The following EPB41L2 variants were observed in gnomAD, a reference collection of about 807,000 sequenced individuals.
EPB41L2 encodes erythrocyte membrane protein band 4.1 like 2.
In EPB41L2, 43 loss-of-function variants were observed where a neutral mutation model predicts 113.0. That is an observed-to-expected ratio of 0.38 (90% CI 0.30 to 0.49). The LOEUF (loss-of-function observed/expected upper bound fraction) is 0.49, where lower values mean the gene tolerates loss of function less well. Among genes scored for constraint, EPB41L2 ranks in the 20% least tolerant of loss-of-function variants. The pLI is 0.95. For synonymous variants in EPB41L2, 442 were observed against 436.7 expected (o/e 1.01, Z -0.15); for missense variants, 1,147 against 1,223.4 (o/e 0.94, Z 0.93).
intron 14 of EPB41L2, among the ~76,000 whole-genome samples, chr6:130,872,151 G>A (rs1785916957): frequency 6.6e-6 from 1 of 151,716 alleles, no homozygotes; most frequent in Admixed American, 6.5e-5. Flanking sequence ...TCTGAATTTA[G>A]GCAGATTTTT....
chr6:130,941,777 T>C (rs1810979940), intron 3 of EPB41L2, among the ~76,000 whole-genome samples: 1 of 152,156 alleles, frequency 6.6e-6, no homozygotes, highest in African/African-American at 2.4e-5. Context: ...ATTCTGCAAA[T>C]GAAGTACACT....
At chr6:130,978,096 C>A (rs1337415453) in intron 1 of EPB41L2, among the ~76,000 whole-genome samples, 4 of 152,208 alleles carry the variant, frequency 2.6e-5, no homozygotes, top group Non-Finnish European at 5.9e-5. Flanking sequence ...TCCCTTCTTT[C>A]TTTTCTCTCC....
chr6:131,008,974 T>C (rs950520042), intron 1 of EPB41L2, among the ~76,000 whole-genome samples: 2 of 152,206 alleles, frequency 1.3e-5, no homozygotes, highest in African/African-American at 4.8e-5. Flanking sequence ...ACTTTGAAAT[T>C]AATGCTGGAA....
chr6:130,947,612 G>T (rs562617156), intron 3 of EPB41L2, among the ~76,000 whole-genome samples: 1 of 151,984 alleles, frequency 6.6e-6, no homozygotes, highest in South Asian at 2.1e-4. Context: ...GGTGATTTCC[G>T]GTGTAGAGAT....
intron 1 of EPB41L2, among the ~76,000 whole-genome samples, chr6:131,049,928 G>A (rs4897489): frequency 0.28 from 42,552 of 151,888 alleles, 7,006 homozygotes; most frequent in Non-Finnish European, 0.37. Context: ...AACAACTCTG[G>A]ACACAAGAGA....
chr6:131,034,463 C>CCGGGGCTACA (rs1792887042), intron 1 of EPB41L2, among the ~76,000 whole-genome samples: 1 of 152,142 alleles, frequency 6.6e-6, no homozygotes, highest in Admixed American at 6.6e-5. Flanking sequence ...CGAAAATTAG[C>CCGGGGCTACA]CGGGGCTACA....
At chr6:130,847,375 T>C (rs73775311) in intron 19 of EPB41L2, among the ~76,000 whole-genome samples, 3,912 of 152,292 alleles carry the variant, frequency 0.026, 169 homozygotes, top group African/African-American at 0.09. Flanking sequence ...ATTATTTTTA[T>C]GCATGTTCCT....
At chr6:131,056,961 CAGTT>C (rs149699770) in intron 1 of EPB41L2, among the ~76,000 whole-genome samples, 4 of 151,704 alleles carry the variant, frequency 2.6e-5, no homozygotes, top group African/African-American at 9.7e-5. Context: ...TTAACCTTGA[CAGTT>C]AGGTAAATGG....
chr6:131,051,632 T>C (rs543217115), intron 1 of EPB41L2, among the ~76,000 whole-genome samples: 6 of 151,998 alleles, frequency 3.9e-5, no homozygotes, highest in Middle Eastern at 3.2e-3. Context: ...GAGAAACAAG[T>C]TGATTGTTGG....
At chr6:130,895,448 T>C (rs1794361607) in intron 8 of EPB41L2, among the ~76,000 whole-genome samples, 1 of 152,152 alleles carries the variant, frequency 6.6e-6, no homozygotes. Flanking sequence ...CTAGAGATCC[T>C]GAAGATACGG....
chr6:130,901,852 G>A (rs1441352363), intron 6 of EPB41L2, among the ~76,000 whole-genome samples: 2 of 152,164 alleles, frequency 1.3e-5, no homozygotes, highest in African/African-American at 4.8e-5. Context: ...ATGAACATTA[G>A]ATAATATAAA....
intron 1 of EPB41L2, among the ~76,000 whole-genome samples, chr6:131,017,301 AAAAC>A (rs368710577): frequency 8.3e-4 from 126 of 152,356 alleles, no homozygotes; most frequent in African/African-American, 2.7e-3. Flanking sequence ...TGTTGGGAAT[AAAAC>A]AAACTAACAT....
intron 19 of EPB41L2, 138 bp downstream of exon 19, chr6:130,857,993 G>T: frequency 1.4e-6 from 1 of 693,854 alleles, no homozygotes. Context: ...AGATGCACCT[G>T]GGGATGATAA....
intron 14 of EPB41L2, among the ~76,000 whole-genome samples, chr6:130,874,221 C>T (rs1786727521): frequency 6.6e-6 from 1 of 151,354 alleles, no homozygotes; most frequent in East Asian, 1.9e-4. Context: ...GCTCTACTCT[C>T]AAAATTGTTC....
chr6:130,954,040 C>CTTTCTTTCTTTTTTTTTTTT (rs1816373036), intron 3 of EPB41L2, among the ~76,000 whole-genome samples: 6 of 58,864 alleles, frequency 1.0e-4, no homozygotes, highest in African/African-American at 2.7e-4. Context: ...CCTTTTCTTT[C>CTTTCTTTCTTTTTTTTTTTT]TTTTTTTTTT....
At chr6:130,866,984 G>A (rs60845211) in intron 16 of EPB41L2, among the ~76,000 whole-genome samples, 62 of 152,270 alleles carry the variant, frequency 4.1e-4, no homozygotes, top group African/African-American at 1.4e-3. Context: ...TTGTGTGTGT[G>A]TGTGTGTGTA....
At chr6:131,007,913 T>A (rs1025816276) in intron 1 of EPB41L2, among the ~76,000 whole-genome samples, 1 of 152,206 alleles carries the variant, frequency 6.6e-6, no homozygotes, top group African/African-American at 2.4e-5. Context: ...AAAATTTGAA[T>A]TTATGTTTAA....
At chr6:130,920,850 A>G (rs1339886022) in intron 4 of EPB41L2, among the ~76,000 whole-genome samples, 2 of 151,502 alleles carry the variant, frequency 1.3e-5, no homozygotes, top group Non-Finnish European at 2.9e-5. Flanking sequence ...TCCTTCACCT[A>G]CTCCCTGATC....
intron 3 of EPB41L2, among the ~76,000 whole-genome samples, chr6:130,946,390 T>C (rs1195327478): frequency 6.6e-6 from 1 of 152,198 alleles, no homozygotes; most frequent in Non-Finnish European, 1.5e-5. Context: ...ATTTCCAGCC[T>C]TGGGGAATCC....
Sources: allele counts gnomAD v4.1 joint callset (sites outside exome capture counted in the v4.1 genomes callset), GRCh38; gene constraint gnomAD v4.1.1; transcripts MANE v1.5; gene names NCBI Gene and HGNC (gene_info 2026-07-23, HGNC 2026-07-21).